The following ME3 variants were observed in gnomAD, a reference collection of about 807,000 sequenced individuals.
The protein encoded by ME3 is malic enzyme 3, also known as NADP-dependent malic enzyme, mitochondrial.
Under a neutral mutation model 68.9 loss-of-function variants are expected in ME3, and 48 were observed. The observed-to-expected ratio is 0.70, with a 90% CI of 0.55 to 0.89. The LOEUF is 0.89. Ranked by LOEUF, ME3 falls within the 40% of genes least tolerant of loss-of-function variation. ME3 has a pLI of 0.00. For synonymous variants in ME3, 320 were observed against 318.8 expected (o/e 1.00, Z -0.04); for missense variants, 675 against 797.4 (o/e 0.85, Z 1.85).
At chr11:86,445,237 A>G (rs773658854) in intron 13 of ME3, among the ~76,000 whole-genome samples, 6 of 152,250 alleles carry the variant, frequency 3.9e-5, no homozygotes, top group Non-Finnish European at 7.3e-5. Flanking sequence ...AGAGAACTGT[A>G]ACACAAAGTC....
At chr11:86,576,289 C>G (rs1958107027) in intron 2 of ME3, among the ~76,000 whole-genome samples, 1 of 152,074 alleles carries the variant, frequency 6.6e-6, no homozygotes, top group Non-Finnish European at 1.5e-5. Context: ...GAGAGGAGGC[C>G]AAGAGAAGTT....
intron 2 of ME3, among the ~76,000 whole-genome samples, chr11:86,620,854 G>C (rs1364043855): frequency 1.3e-5 from 2 of 151,996 alleles, no homozygotes; most frequent in Non-Finnish European, 2.9e-5. Flanking sequence ...CTGTCCTCTA[G>C]GGCCTCAGTC....
intron 7 of ME3, among the ~76,000 whole-genome samples, chr11:86,475,826 C>T (rs1405324373): frequency 7.7e-6 from 1 of 129,760 alleles, no homozygotes; most frequent in African/African-American, 3.0e-5. Context: ...ACAGACTGAA[C>T]CACAGAAGGC....
intron 4 of ME3, among the ~76,000 whole-genome samples, chr11:86,532,242 T>C (rs1398413181): frequency 6.6e-6 from 1 of 152,154 alleles, no homozygotes; most frequent in Non-Finnish European, 1.5e-5. Context: ...TATTAAAATA[T>C]CTGAAGGGTG....
intron 2 of ME3, among the ~76,000 whole-genome samples, chr11:86,654,708 A>G (rs1945731649): frequency 6.6e-6 from 1 of 152,160 alleles, no homozygotes; most frequent in Admixed American, 6.5e-5. Flanking sequence ...GCCCTCTCTC[A>G]CCACTCCTAT....
intron 2 of ME3, among the ~76,000 whole-genome samples, chr11:86,665,668 G>A (rs507123): frequency 0.31 from 47,464 of 152,050 alleles, 7,449 homozygotes; most frequent in East Asian, 0.36. Flanking sequence ...AATGAGAGGC[G>A]CTAAAGGGAA....
rs565840880 is a variant in ME3 at position 86,631,533 on chromosome 11, C to T, written c.183+40229G>A. Among the ~76,000 whole-genome samples the T allele has an allele frequency of 4.6e-5, 7 of 151,878 alleles. No individual in the cohort carries two copies. In the East Asian group the frequency reaches 1.4e-3, roughly 29 times the overall value. On this transcript the variant is annotated intron_variant, in intron 2 of 14. Coordinates refer to ENST00000543262, the Ensembl canonical transcript of ME3. ...CGCATATCAGAATCTCCTTGGTGAA[C>T]TTAAAAAAAAAATTCCTTAGCTCCT...
At chr11:86,525,986 G>C (rs958145460) in intron 4 of ME3, among the ~76,000 whole-genome samples, 2 of 152,154 alleles carry the variant, frequency 1.3e-5, no homozygotes, top group African/African-American at 4.8e-5. Flanking sequence ...CTGAGGTACC[G>C]AGTTCATCTC....
At position 86,545,533 on chromosome 11, in the gene ME3, C is replaced by T. The variant is rs200941270; in HGVS notation, c.467+11020G>A. ...TTGCTATATACCAATAATAAACAAA[C>T]AGGCAAATCATGAGTGAGCTCCCAT... is the stretch of plus-strand genomic sequence containing the variant. On this transcript the variant is annotated intron_variant, in intron 4 of 14. Transcript: ENST00000543262. Among the ~76,000 whole-genome samples, 9 of 151,854 alleles carry T rather than the reference C, an allele frequency of 5.9e-5. No homozygotes were observed. In the East Asian group the frequency reaches 1.7e-3, roughly 29 times the overall value.
chr11:86,597,835 C>T (rs1376173211), intron 2 of ME3, among the ~76,000 whole-genome samples: 1 of 152,020 alleles, frequency 6.6e-6, no homozygotes, highest in Non-Finnish European at 1.5e-5. Context: ...CAATCAAATA[C>T]ATTTAAGATA....
intron 6 of ME3, among the ~76,000 whole-genome samples, chr11:86,497,463 C>G (rs1036953399): frequency 6.6e-6 from 1 of 152,158 alleles, no homozygotes; most frequent in African/African-American, 2.4e-5. Flanking sequence ...TGCCAGGACT[C>G]CTGCAGCTGG....
chr11:86,582,959 C>T (rs764903966), intron 2 of ME3, among the ~76,000 whole-genome samples: 6 of 151,290 alleles, frequency 4.0e-5, no homozygotes, highest in South Asian at 2.1e-4. Flanking sequence ...AGTATCTGGG[C>T]GTTAGTGGCA....
In ME3 at chr11:86,508,882, A is replaced by G. The variant is rs1450947580; in HGVS notation, c.468-15T>C. ...TGAACAGTCCACTAAAAGAAATAAA[A>G]CACGTACACACAGAGAAACCAGGCA... is the stretch of plus-strand genomic sequence containing the variant. On this transcript the variant is annotated splice_polypyrimidine_tract_variant and intron_variant, in intron 4 of 14. Transcript: ENST00000543262. 6.3e-7 allele frequency: 1 copy of G among 1,596,542 alleles called. No homozygotes were observed. Among genetic ancestry groups the G allele is most frequent in the Non-Finnish European group, 8.6e-7 (1 of 1,164,532 alleles).
intron 6 of ME3, among the ~76,000 whole-genome samples, chr11:86,497,058 T>G (rs1304595838): frequency 6.6e-6 from 1 of 151,770 alleles, no homozygotes; most frequent in Non-Finnish European, 1.5e-5. Flanking sequence ...CTCGGCTCAC[T>G]GCAACCTCTG....
At chr11:86,485,692 T>C (rs1431372647) in intron 7 of ME3, among the ~76,000 whole-genome samples, 1 of 152,144 alleles carries the variant, frequency 6.6e-6, no homozygotes, top group Non-Finnish European at 1.5e-5. Context: ...TTCTCTCCCC[T>C]TTTACCCAGC....
At chr11:86,562,992 A>G (rs1184790225) in intron 2 of ME3, among the ~76,000 whole-genome samples, 1 of 152,104 alleles carries the variant, frequency 6.6e-6, no homozygotes, top group East Asian at 1.9e-4. Flanking sequence ...GCTGCAAAAA[A>G]CATGACTTCA....
At chr11:86,616,023 A>G (rs945197341) in intron 2 of ME3, among the ~76,000 whole-genome samples, 3 of 152,232 alleles carry the variant, frequency 2.0e-5, no homozygotes, top group African/African-American at 4.8e-5. Context: ...ACATTTTGGT[A>G]TATGTTCTTG....
chr11:86,541,595 A>C (rs1348042508), intron 4 of ME3, among the ~76,000 whole-genome samples: 1 of 152,232 alleles, frequency 6.6e-6, no homozygotes, highest in Admixed American at 6.5e-5. Flanking sequence ...CTGCCTCTCT[A>C]GATTCCTCCT....
intron 4 of ME3, among the ~76,000 whole-genome samples, chr11:86,547,919 T>G (rs1956460798): frequency 6.6e-6 from 1 of 152,236 alleles, no homozygotes; most frequent in African/African-American, 2.4e-5. Flanking sequence ...AAAAGTCAGT[T>G]TGTTTAAATT....
Sources: allele counts gnomAD v4.1 joint callset (sites outside exome capture counted in the v4.1 genomes callset), GRCh38; gene constraint gnomAD v4.1.1; transcripts MANE v1.5; gene names NCBI Gene and HGNC (gene_info 2026-07-23, HGNC 2026-07-21).